MCTP1: variants seen among roughly 807,000 people sequenced by gnomAD.
MCTP1 encodes the protein multiple C2 and transmembrane domain containing 1, also known as multiple C2 and transmembrane domain-containing protein 1.
A neutral mutation model predicts 120.6 loss-of-function variants in MCTP1; 69 were observed. That is an observed-to-expected ratio of 0.57 (90% CI 0.47 to 0.70). MCTP1 has a LOEUF of 0.70. Among genes scored for constraint, MCTP1 ranks in the 30% least tolerant of loss-of-function variants. The pLI, the probability that MCTP1 is intolerant of heterozygous loss-of-function variation, is 0.00. For missense variants in MCTP1, 1,203 were observed against 1,248.8 expected (o/e 0.96, Z 0.55); for synonymous variants, 529 against 493.1 (o/e 1.07, Z -0.96).
chr5:94,952,804 CT>C (rs1820957938), intron 3 of MCTP1, among the ~76,000 whole-genome samples: 1 of 151,918 alleles, frequency 6.6e-6, no homozygotes, highest in South Asian at 2.1e-4. Flanking sequence ...CTTCACCCTT[CT>C]CATGCTCCAA....
rs113100624 is a variant in MCTP1, at chr5:94,962,412, C to A, written c.839-9051G>T. Among the ~76,000 whole-genome samples the A allele has an allele frequency of 8.4e-3, 1,259 of 150,318 alleles. 21 individuals are homozygous for A. Among genetic ancestry groups the A allele is most frequent in the African/African-American group, 0.029 (1,191 of 41,024 alleles). On this transcript the variant is annotated intron_variant, in intron 2 of 22. Coordinates refer to ENST00000515393, the MANE Select transcript of MCTP1 (RefSeq NM_024717.7). Reference sequence around the variant, plus strand: ...ACCAATCCAAATGGCCATCAATCAACAAGTGGATAAAGAAATTGATATATA... The same window carrying A: ...ACCAATCCAAATGGCCATCAATCAAAAAGTGGATAAAGAAATTGATATATA...
At chr5:94,814,877 C>G (rs774111355) in intron 17 of MCTP1, among the ~76,000 whole-genome samples, 1 of 152,258 alleles carries the variant, frequency 6.6e-6, no homozygotes, top group Middle Eastern at 3.4e-3. Context: ...ACAATGTTTC[C>G]TTATTTTGTA....
chr5:95,061,405 A>T (rs1465657985), intron 1 of MCTP1, among the ~76,000 whole-genome samples: 1 of 80,378 alleles, frequency 1.2e-5, no homozygotes. Context: ...AAACCCCTTA[A>T]GGGTTTTTTT....
intron 3 of MCTP1, among the ~76,000 whole-genome samples, chr5:94,947,489 C>T (rs1025441789): frequency 1.4e-5 from 2 of 146,892 alleles, no homozygotes; most frequent in Non-Finnish European, 3.0e-5. Flanking sequence ...TTCTATTTCC[C>T]ACAGAATATA....
At chr5:95,254,259 A>C (rs1276926518) in intron 1 of MCTP1, among the ~76,000 whole-genome samples, 1 of 152,180 alleles carries the variant, frequency 6.6e-6, no homozygotes, top group Non-Finnish European at 1.5e-5. Context: ...TACGGCTAAC[A>C]TTTGAGGGCT....
chr5:94,918,564 A>G (rs529027018), intron 7 of MCTP1, among the ~76,000 whole-genome samples: 28 of 152,354 alleles, frequency 1.8e-4, no homozygotes, highest in African/African-American at 6.7e-4. Flanking sequence ...GACCAAGAGT[A>G]GCAAGAGATG....
intron 1 of MCTP1, among the ~76,000 whole-genome samples, chr5:95,202,609 G>A (rs1751188489): frequency 6.6e-6 from 1 of 152,114 alleles, no homozygotes; most frequent in African/African-American, 2.4e-5. Context: ...TATTCTTGGA[G>A]TGATGAAATT....
At chr5:94,891,766 AT>A (rs201419353) in intron 11 of MCTP1, among the ~76,000 whole-genome samples, 4 of 150,908 alleles carry the variant, frequency 2.7e-5, no homozygotes, top group Admixed American at 6.6e-5. Context: ...AAATAAATAA[AT>A]AAATAAATAA....
At chr5:94,723,667 A>G (rs1294455093) in intron 19 of MCTP1, among the ~76,000 whole-genome samples, 2 of 151,998 alleles carry the variant, frequency 1.3e-5, no homozygotes, top group African/African-American at 4.8e-5. Flanking sequence ...CATTTCTACT[A>G]CATAATTTAT....
chr5:94,886,730 T>C (rs1051374753), intron 12 of MCTP1, among the ~76,000 whole-genome samples: 4 of 152,184 alleles, frequency 2.6e-5, no homozygotes, highest in African/African-American at 7.2e-5. Context: ...TAATAACTTG[T>C]AGAGGCTGAC....
At chr5:94,733,797 C>G (rs866550572) in intron 19 of MCTP1, among the ~76,000 whole-genome samples, 2 of 151,960 alleles carry the variant, frequency 1.3e-5, no homozygotes, top group African/African-American at 4.8e-5. Context: ...AACCCCGTCT[C>G]TACTAAAAAT....
chr5:95,020,924 T>G (rs1838087782), intron 1 of MCTP1, among the ~76,000 whole-genome samples: 1 of 152,104 alleles, frequency 6.6e-6, no homozygotes, highest in African/African-American at 2.4e-5. Flanking sequence ...TACTTCTGTG[T>G]CAATACTATA....
chr5:94,820,521 T>C (rs1785407635), intron 17 of MCTP1, among the ~76,000 whole-genome samples: 1 of 152,158 alleles, frequency 6.6e-6, no homozygotes, highest in East Asian at 1.9e-4. Context: ...TGAGAAAAAA[T>C]CTTGTCCCAT....
chr5:94,733,301 T>C (rs1434026200), intron 19 of MCTP1, among the ~76,000 whole-genome samples: 1 of 152,160 alleles, frequency 6.6e-6, no homozygotes, highest in Non-Finnish European at 1.5e-5. Flanking sequence ...CATCAAAAGG[T>C]TTGTGGCTTT....
At chr5:94,708,721 CCCCTCTTCCTCTTTTTCT>C in intron 21 of MCTP1, 112 bp from the exon 22 acceptor site, 1 of 610,754 alleles carries the variant, frequency 1.6e-6, no homozygotes. Flanking sequence ...CAGTTTTTTC[CCCCTCTTCCTCTTTTTCT>C]CCTTCATTTC....
At chr5:95,216,959 T>G (rs1321383837) in intron 1 of MCTP1, among the ~76,000 whole-genome samples, 1 of 152,178 alleles carries the variant, frequency 6.6e-6, no homozygotes, top group Non-Finnish European at 1.5e-5. Context: ...GATTTAAATG[T>G]TTTTCACTTG....
intron 19 of MCTP1, among the ~76,000 whole-genome samples, chr5:94,751,181 G>A (rs1047048004): frequency 2.0e-5 from 3 of 152,104 alleles, no homozygotes; most frequent in African/African-American, 4.8e-5. Flanking sequence ...TCAGTAGAGC[G>A]ACCAAGGGCC....
intron 10 of MCTP1, among the ~76,000 whole-genome samples, chr5:94,906,571 TTTCATTC>T (rs752422238): frequency 6.6e-6 from 1 of 152,208 alleles, no homozygotes; most frequent in Non-Finnish European, 1.5e-5. Flanking sequence ...CAAGTGGCTC[TTTCATTC>T]ATAGCCAGTC....
intron 12 of MCTP1, among the ~76,000 whole-genome samples, chr5:94,881,679 G>T (rs1043240210): frequency 2.0e-5 from 3 of 151,852 alleles, no homozygotes; most frequent in African/African-American, 7.3e-5. Flanking sequence ...TTATAAAGTG[G>T]GAATAACAAT....
Sources: allele counts gnomAD v4.1 joint callset (sites outside exome capture counted in the v4.1 genomes callset), GRCh38; gene constraint gnomAD v4.1.1; transcripts MANE v1.5; gene names NCBI Gene and HGNC (gene_info 2026-07-23, HGNC 2026-07-21).